Variants in AUTS2 observed in about 807,000 individuals in gnomAD.
AUTS2 encodes activator of transcription and developmental regulator AUTS2.
In AUTS2, 17 loss-of-function variants were observed where a neutral mutation model predicts 112.4. That is an observed-to-expected ratio of 0.15 (90% CI 0.10 to 0.23). AUTS2 has a LOEUF of 0.23. AUTS2 is among the 10% of genes least tolerant of loss of function. AUTS2 has a pLI of 1.00. For synonymous variants in AUTS2, 751 were observed against 702.7 expected (o/e 1.07, Z -1.09); for missense variants, 1,510 against 1,701.6 (o/e 0.89, Z 1.98).
At chr7:69,739,702 C>T (rs1787182448) in intron 1 of AUTS2, among the ~76,000 whole-genome samples, 1 of 152,198 alleles carries the variant, frequency 6.6e-6, no homozygotes, top group Non-Finnish European at 1.5e-5. Flanking sequence ...TATGTCAATA[C>T]AGTTGAAAAT....
Position 69,982,480 on chromosome 7 carries a change from G to A in AUTS2, c.522+82982G>A, listed in dbSNP as rs572674367. ...GCTATCCTGAGGGGGGAAAAAAAAC[G>A]TGGAGTATTTTCCTTGGACCTCTGG... is the stretch of plus-strand genomic sequence containing the variant. On this transcript the variant is annotated intron_variant, in intron 2 of 18. Coordinates refer to ENST00000342771, the MANE Select transcript of AUTS2 (RefSeq NM_015570.4). Among the ~76,000 whole-genome samples, 21 of 150,796 alleles carry A rather than the reference G, an allele frequency of 1.4e-4. No individual in the cohort carries two copies. The South Asian group carries it at 2.3e-3, about 17-fold the overall frequency.
At position 70,085,448 on chromosome 7, in the gene AUTS2, C is replaced by T. The variant is rs189173467; in HGVS notation, c.523-32684C>T. On this transcript the variant is annotated intron_variant, in intron 2 of 18. Transcript: ENST00000342771. ...TGGCACGATCTTGGCTCACTGCAAC[C>T]TCCGCCTCTGTGTTCAAGCAATTAT... 2.5e-3 allele frequency among the ~76,000 whole-genome samples: 386 copies of T among 151,950 alleles called. 1 individual carries two copies. Among genetic ancestry groups the T allele is most frequent in the Middle Eastern group, 0.01 (3 of 294 alleles).
At chr7:70,481,803 TG>T (rs1047715269) in intron 5 of AUTS2, among the ~76,000 whole-genome samples, 3 of 152,230 alleles carry the variant, frequency 2.0e-5, no homozygotes, top group African/African-American at 7.2e-5. Context: ...CTTGCCATTG[TG>T]GAGGCACGAT....
intron 4 of AUTS2, among the ~76,000 whole-genome samples, chr7:70,365,982 G>A (rs1295667268): frequency 6.6e-6 from 1 of 152,092 alleles, no homozygotes; most frequent in African/African-American, 2.4e-5. Flanking sequence ...ACATCTTTTG[G>A]GTACCTACCA....
At chr7:69,847,401 G>T (rs937856567) in intron 1 of AUTS2, among the ~76,000 whole-genome samples, 1 of 152,196 alleles carries the variant, frequency 6.6e-6, no homozygotes, top group Admixed American at 6.5e-5. Flanking sequence ...GTCATTCTTT[G>T]TAGATCATGG....
At chr7:70,107,942 C>T (rs1256252912) in intron 2 of AUTS2, among the ~76,000 whole-genome samples, 2 of 150,670 alleles carry the variant, frequency 1.3e-5, no homozygotes, top group Admixed American at 6.6e-5. Flanking sequence ...ACCCAGTAGG[C>T]GGAGCTTGCA....
chr7:70,708,592 A>G (rs1809866103), intron 6 of AUTS2, among the ~76,000 whole-genome samples: 1 of 152,150 alleles, frequency 6.6e-6, no homozygotes, highest in Non-Finnish European at 1.5e-5. Context: ...CTAATTAAAA[A>G]AAAAAAAATA....
intron 2 of AUTS2, among the ~76,000 whole-genome samples, chr7:69,947,250 A>G (rs1796851595): frequency 6.6e-6 from 1 of 152,182 alleles, no homozygotes; most frequent in Admixed American, 6.5e-5. Context: ...TTGGAGGGAA[A>G]TAGTGCTTTG....
chr7:70,735,737 T>A (rs1470183879), intron 6 of AUTS2, among the ~76,000 whole-genome samples: 1 of 152,102 alleles, frequency 6.6e-6, no homozygotes, highest in Non-Finnish European at 1.5e-5. Context: ...GTTATTAGAA[T>A]GCTTGTTAAG....
At chr7:70,528,726 G>C (rs1585259371) in intron 5 of AUTS2, among the ~76,000 whole-genome samples, 1 of 151,732 alleles carries the variant, frequency 6.6e-6, no homozygotes, top group African/African-American at 2.4e-5. Flanking sequence ...TAGGGTGCTA[G>C]TTCAGGGCTG....
intron 2 of AUTS2, among the ~76,000 whole-genome samples, chr7:69,970,448 C>T (rs952466371): frequency 3.9e-5 from 6 of 152,106 alleles, no homozygotes; most frequent in African/African-American, 1.4e-4. Flanking sequence ...CTTCCTTAAC[C>T]AAGGATTTTC....
At chr7:70,504,563 G>A (rs145385472) in intron 5 of AUTS2, among the ~76,000 whole-genome samples, 1,537 of 152,228 alleles carry the variant, frequency 0.01, 15 homozygotes, top group African/African-American at 0.034. Flanking sequence ...GAAGGGGACC[G>A]GCACCGAGGA....
At chr7:70,291,418 C>T (rs1021886178) in intron 4 of AUTS2, 3 of 152,152 alleles carry the variant, frequency 2.0e-5, no homozygotes, top group African/African-American at 7.2e-5. Context: ...CGAAGTTGCA[C>T]AGAGGTTCCT....
At chr7:70,022,859 A>AT (rs71068007) in intron 2 of AUTS2, among the ~76,000 whole-genome samples, 38,606 of 149,956 alleles carry the variant, frequency 0.26, 4,878 homozygotes, top group Middle Eastern at 0.33. Flanking sequence ...AATTAAATTA[A>AT]TTTTTTTTTT....
chr7:70,443,566 C>G (rs767407904), intron 5 of AUTS2, among the ~76,000 whole-genome samples: 7 of 152,204 alleles, frequency 4.6e-5, no homozygotes, highest in Non-Finnish European at 8.8e-5. Context: ...TCTTTCGTCT[C>G]TCTCAGTCTT....
intron 14 of AUTS2, 71 bp downstream of exon 14, chr7:70,777,245 C>A: frequency 1.4e-6 from 2 of 1,388,978 alleles, no homozygotes; most frequent in Non-Finnish European, 2.0e-6. Context: ...TCGGGAGAAC[C>A]TGATGAAGGA....
At position 70,034,195 on chromosome 7, in the gene AUTS2, A is replaced by C. The variant is rs536701250; in HGVS notation, c.523-83937A>C. ...GTGCTTACCTGGTGTCCTCTGAAAA[A>C]TCAGAGTCGTGGGAGATGAATAACA... On this transcript the variant is annotated intron_variant, in intron 2 of 18. Transcript: ENST00000342771. Among the ~76,000 whole-genome samples the C allele has an allele frequency of 3.3e-5, 5 of 152,306 alleles. No homozygotes were observed. The East Asian group carries it at 9.6e-4, about 29-fold the overall frequency.
intron 1 of AUTS2, among the ~76,000 whole-genome samples, chr7:69,746,318 A>G (rs540436443): frequency 6.6e-6 from 1 of 152,318 alleles, no homozygotes; most frequent in South Asian, 2.1e-4. Context: ...ACAGCAACAA[A>G]CAAAACAGGC....
At chr7:70,775,581 C>T (rs892631244) in intron 13 of AUTS2, among the ~76,000 whole-genome samples, 195 bp downstream of exon 13, 3 of 147,578 alleles carry the variant, frequency 2.0e-5, no homozygotes, top group African/African-American at 5.0e-5. Context: ...AGGCCATTGG[C>T]TTTTTTTTTT....
Sources: allele counts gnomAD v4.1 joint callset (sites outside exome capture counted in the v4.1 genomes callset), GRCh38; gene constraint gnomAD v4.1.1; transcripts MANE v1.5; gene names NCBI Gene and HGNC (gene_info 2026-07-23, HGNC 2026-07-21).